Variants in SH3BGRL observed in about 807,000 individuals in gnomAD.
The protein encoded by SH3BGRL is adapter SH3BGRL.
In SH3BGRL, 7 loss-of-function variants were observed where a neutral mutation model predicts 9.8. The ratio of observed to expected loss-of-function variants is 0.72; its 90% CI spans 0.41 to 1.35. The LOEUF (loss-of-function observed/expected upper bound fraction) is 1.35, where lower values mean the gene tolerates loss of function less well. Among genes scored for constraint, SH3BGRL ranks in the 40% most tolerant of loss-of-function variants. The probability of loss-of-function intolerance (pLI) is 0.01; values close to 1 mark genes in which losing one functional copy is unlikely to be tolerated. For synonymous variants in SH3BGRL, 36 were observed against 29.1 expected, an observed-to-expected ratio of 1.24 and a Z score of -0.76; for missense variants, 73 against 84.4, an observed-to-expected ratio of 0.86 and a Z score of 0.53.
At chrX:81,221,118 T>C (rs761525399) in intron 1 of SH3BGRL, among the ~76,000 whole-genome samples, 1 of 111,875 alleles carries the variant, frequency 8.9e-6, no homozygotes, top group South Asian at 3.7e-4. Context: ...TCTGTAAATA[T>C]CTATTAGATC....
At chrX:81,274,850 A>G (rs1262675827) in intron 1 of SH3BGRL, among the ~76,000 whole-genome samples, 1 of 111,933 alleles carries the variant, frequency 8.9e-6, no homozygotes, top group African/African-American at 3.3e-5. Context: ...AAGCTGAACA[A>G]AAGTTCATAT....
Position 81,209,367 on chromosome X carries a change from G to A in SH3BGRL, c.45+7122G>A, listed in dbSNP as rs180887181. Among the ~76,000 whole-genome samples, 283 of 111,538 alleles carry A rather than the reference G, an allele frequency of 2.5e-3. 1 individual carries two copies. The highest frequency in any genetic ancestry group is 8.6e-3 in the African/African-American group (263 of 30,679). On this transcript the variant is annotated intron_variant, in intron 1 of 3. Transcript: ENST00000373212. ...ACTTATTTATGCATTGTATATGTCA[G>A]GCAAGGTGCCCAGGGCTTTACCTAC...
chrX:81,283,328 A>T (rs1186879319), intron 3 of SH3BGRL, among the ~76,000 whole-genome samples: 1 of 111,864 alleles, frequency 8.9e-6, no homozygotes, highest in Admixed American at 9.5e-5. Flanking sequence ...TGAAGCCAGC[A>T]TCACCCTAAT....
chrX:81,277,338 T>C (rs1329933934), intron 2 of SH3BGRL, among the ~76,000 whole-genome samples, 169 bp downstream of exon 2: 2 of 112,482 alleles, frequency 1.8e-5, no homozygotes, highest in South Asian at 7.4e-4. Flanking sequence ...CTACATTTTC[T>C]AAATATGTTT....
At chrX:81,259,674 C>T (rs1427066527) in intron 1 of SH3BGRL, among the ~76,000 whole-genome samples, 1 of 111,839 alleles carries the variant, frequency 8.9e-6, no homozygotes, top group Non-Finnish European at 1.9e-5. Context: ...TCAAGGAAGG[C>T]TTTTGCTTTA....
At chrX:81,285,106 A>G (rs918500792) in intron 3 of SH3BGRL, among the ~76,000 whole-genome samples, 1 of 111,357 alleles carries the variant, frequency 9.0e-6, no homozygotes, top group Non-Finnish European at 1.9e-5. Flanking sequence ...GAAGTGATCC[A>G]TTTCATGTCA....
chrX:81,264,658 G>A (rs1242689286), intron 1 of SH3BGRL, among the ~76,000 whole-genome samples: 1 of 110,436 alleles, frequency 9.1e-6, no homozygotes, highest in Non-Finnish European at 1.9e-5. Flanking sequence ...AAACTTCACT[G>A]TCTTCATTAC....
intron 3 of SH3BGRL, among the ~76,000 whole-genome samples, chrX:81,291,302 G>A (rs780088719): frequency 9.0e-6 from 1 of 111,144 alleles, no homozygotes; most frequent in Non-Finnish European, 1.9e-5. Flanking sequence ...GGCTTGGGAG[G>A]CCTCGGGAAA....
intron 1 of SH3BGRL, chrX:81,237,413 G>A (rs2075652017): frequency 3.9e-6 from 1 of 258,164 alleles, no homozygotes; most frequent in African/African-American, 2.8e-5. Flanking sequence ...ATGGTGCAGA[G>A]AGCTTCTCTG....
At chrX:81,233,320 G>A (rs144297284) in intron 1 of SH3BGRL, among the ~76,000 whole-genome samples, 15 of 112,003 alleles carry the variant, frequency 1.3e-4, no homozygotes, top group African/African-American at 4.9e-4. Context: ...GTAGAGCTTT[G>A]TAGACCCTTT....
Position 81,297,381 on chromosome X carries a change from A to G in SH3BGRL, c.*154A>G. ...TGCAAACATTCAAAATGAATACAAAATTAAAATTTGAACATTATGGTGATT... is the reference window on the plus strand; with the variant it reads ...TGCAAACATTCAAAATGAATACAAAGTTAAAATTTGAACATTATGGTGATT... On this transcript the variant is annotated 3_prime_UTR_variant, in exon 4 of 4. Coordinates refer to ENST00000373212, the MANE Select transcript of SH3BGRL (RefSeq NM_003022.3). 1 of 447,135 alleles carries G rather than the reference A, an allele frequency of 2.2e-6. No homozygotes were observed. Among genetic ancestry groups the G allele is most frequent in the East Asian group, 4.0e-5 (1 of 25,236 alleles). The allele number at this position is 447,135 out of a possible 1,213,427, so 36.8% of individuals were successfully genotyped here.
At chrX:81,205,736 A>G (rs1387914663) in intron 1 of SH3BGRL, among the ~76,000 whole-genome samples, 1 of 110,047 alleles carries the variant, frequency 9.1e-6, no homozygotes, top group African/African-American at 3.3e-5. Flanking sequence ...GCTGTTTTCC[A>G]TGGCAGCTCT....
chrX:81,284,111 G>T (rs1448839702), intron 3 of SH3BGRL, among the ~76,000 whole-genome samples: 2 of 109,603 alleles, frequency 1.8e-5, no homozygotes, highest in Non-Finnish European at 3.8e-5. Flanking sequence ...CCTAACCAAG[G>T]AGTAGAAAGA....
At chrX:81,225,704 C>G (rs963272976) in intron 1 of SH3BGRL, among the ~76,000 whole-genome samples, 7 of 110,982 alleles carry the variant, frequency 6.3e-5, no homozygotes, top group Non-Finnish European at 1.1e-4. Context: ...GTGAATAACA[C>G]AATAGCTAGA....
chrX:81,207,429 T>C (rs2075550808), intron 1 of SH3BGRL, among the ~76,000 whole-genome samples: 1 of 112,514 alleles, frequency 8.9e-6, no homozygotes, highest in South Asian at 3.6e-4. Flanking sequence ...TAAAACAATG[T>C]TCTGGATTGT....
At chrX:81,289,857 A>G (rs979461371) in intron 3 of SH3BGRL, among the ~76,000 whole-genome samples, 1 of 111,902 alleles carries the variant, frequency 8.9e-6, no homozygotes, top group Admixed American at 9.5e-5. Context: ...GACTGCCTCA[A>G]ACAAACAAAA....
intron 1 of SH3BGRL, among the ~76,000 whole-genome samples, chrX:81,255,136 C>T (rs778887999): frequency 6.3e-5 from 7 of 111,187 alleles, no homozygotes; most frequent in Non-Finnish European, 1.3e-4. Flanking sequence ...GGTCCGCCCC[C>T]CTCAGCCTCC....
intron 1 of SH3BGRL, among the ~76,000 whole-genome samples, chrX:81,250,456 C>G (rs1223133776): frequency 9.0e-6 from 1 of 110,823 alleles, no homozygotes; most frequent in Admixed American, 9.5e-5. Context: ...ATAGTCTTAG[C>G]TATAATGATA....
intron 1 of SH3BGRL, among the ~76,000 whole-genome samples, chrX:81,230,011 A>G (rs1162595557): frequency 9.0e-6 from 1 of 111,487 alleles, no homozygotes; most frequent in Non-Finnish European, 1.9e-5. Context: ...TTGCAGTATG[A>G]AGTTCAGAGG....
Sources: allele counts gnomAD v4.1 joint callset (sites outside exome capture counted in the v4.1 genomes callset), GRCh38; gene constraint gnomAD v4.1.1; transcripts MANE v1.5; gene names NCBI Gene and HGNC (gene_info 2026-07-23, HGNC 2026-07-21).